ROBO2: variants seen among roughly 807,000 people sequenced by gnomAD.
The protein encoded by ROBO2 is roundabout guidance receptor 2.
In ROBO2, 53 loss-of-function variants were observed where a neutral mutation model predicts 160.8. That is an observed-to-expected ratio of 0.33 (90% CI 0.26 to 0.41). ROBO2 has a LOEUF of 0.41. Ranked by LOEUF, ROBO2 falls within the 10% of genes least tolerant of loss-of-function variation. The probability of loss-of-function intolerance (pLI) is 1.00; values close to 1 mark genes in which losing one functional copy is unlikely to be tolerated. For missense variants in ROBO2, 1,577 were observed against 1,722.4 expected, an observed-to-expected ratio of 0.92 and a Z score of 1.49; for synonymous variants, 664 against 611.7, an observed-to-expected ratio of 1.09 and a Z score of -1.26.
At chr3:76,874,493 T>C (rs1236439166) in intron 2 of ROBO2, among the ~76,000 whole-genome samples, 2 of 152,162 alleles carry the variant, frequency 1.3e-5, no homozygotes, top group Admixed American at 1.3e-4. Context: ...ATTACACATT[T>C]TCAAAATGAA....
intron 2 of ROBO2, among the ~76,000 whole-genome samples, chr3:76,562,556 G>A (rs2084258896): frequency 1.3e-5 from 2 of 151,738 alleles, no homozygotes; most frequent in Admixed American, 1.3e-4. Context: ...TTCCAGCTCT[G>A]TCCCTTTTCA....
chr3:77,254,227 C>T (rs2090686281), intron 2 of ROBO2, among the ~76,000 whole-genome samples: 1 of 152,122 alleles, frequency 6.6e-6, no homozygotes, highest in South Asian at 2.1e-4. Context: ...GTGATTGCCA[C>T]TCCACTAGAG....
chr3:77,345,093 A>G lies in ROBO2; in HGVS notation c.389-132321A>G, dbSNP rs183048460. ...AACACCCTTAAAAAAAACCGTAAAA[A>G]CTCTTATGAGATTTGAGTTAAGATG... is the stretch of plus-strand genomic sequence containing the variant. On this transcript the variant is annotated intron_variant, in intron 2 of 25. Coordinates refer to ENST00000461745, the Ensembl canonical transcript of ROBO2. 1.0e-3 allele frequency among the ~76,000 whole-genome samples: 152 copies of G among 152,070 alleles called. No homozygotes were observed. In the Middle Eastern group the frequency reaches 0.01, roughly 10 times the overall value.
At chr3:77,296,378 A>T (rs1310561782) in intron 2 of ROBO2, among the ~76,000 whole-genome samples, 1 of 151,548 alleles carries the variant, frequency 6.6e-6, no homozygotes, top group Non-Finnish European at 1.5e-5. Context: ...AAACGGGTAC[A>T]CTGAGGCTAG....
At chr3:76,216,273 T>C (rs1703519548) in intron 2 of ROBO2, among the ~76,000 whole-genome samples, 1 of 152,110 alleles carries the variant, frequency 6.6e-6, no homozygotes, top group South Asian at 2.1e-4. Context: ...AATAACCAGC[T>C]AACATCATAA....
chr3:77,212,851 GGT>G (rs1560249585), intron 2 of ROBO2, among the ~76,000 whole-genome samples: 1 of 152,052 alleles, frequency 6.6e-6, no homozygotes, highest in African/African-American at 2.4e-5. Context: ...TTTTGTCTTT[GGT>G]TCTGTTTGTA....
chr3:76,465,462 T>C (rs1418648960), intron 2 of ROBO2, among the ~76,000 whole-genome samples: 2 of 152,020 alleles, frequency 1.3e-5, no homozygotes, highest in Non-Finnish European at 2.9e-5. Context: ...GCCATTGTAT[T>C]TTGCTTTTAT....
At chr3:77,222,766 A>G (rs2085989295) in intron 2 of ROBO2, among the ~76,000 whole-genome samples, 1 of 152,156 alleles carries the variant, frequency 6.6e-6, no homozygotes, top group South Asian at 2.1e-4. Context: ...TGATATGTCC[A>G]TTTGCTTCAT....
intron 2 of ROBO2, among the ~76,000 whole-genome samples, chr3:76,397,522 T>G (rs1326360882): frequency 1.3e-5 from 2 of 151,644 alleles, no homozygotes; most frequent in African/African-American, 2.4e-5. Flanking sequence ...GAAACTACCA[T>G]CAGAGTGAAC....
chr3:77,381,213 G>GC (rs1306124904), intron 2 of ROBO2, among the ~76,000 whole-genome samples: 1 of 152,148 alleles, frequency 6.6e-6, no homozygotes, highest in African/African-American at 2.4e-5. Context: ...TACTCCGGAG[G>GC]CTGAGGCAGG....
intron 2 of ROBO2, among the ~76,000 whole-genome samples, chr3:76,115,178 A>C (rs541903634): frequency 3.3e-5 from 5 of 152,128 alleles, no homozygotes; most frequent in Non-Finnish European, 7.4e-5. Context: ...CAGAACTGAT[A>C]CTAGTGGGGC....
At chr3:77,574,555 A>G in exon 14 of ROBO2, 2 of 1,613,464 alleles carry the variant, frequency 1.2e-6, no homozygotes, top group South Asian at 1.1e-5. Flanking sequence ...GTCAGACTTC[A>G]GGTCTGCAGG....
chr3:76,923,118 C>A (rs962121157), intron 2 of ROBO2, among the ~76,000 whole-genome samples: 5 of 152,180 alleles, frequency 3.3e-5, no homozygotes, highest in Admixed American at 3.3e-4. Context: ...GGCTCCATTC[C>A]TTCTGGTGTC....
chr3:76,627,790 TATTA>T (rs2089756164), intron 2 of ROBO2, among the ~76,000 whole-genome samples: 1 of 152,240 alleles, frequency 6.6e-6, no homozygotes, highest in South Asian at 2.1e-4. Context: ...TGTCTGCCTG[TATTA>T]ATTATTTCTG....
intron 21 of ROBO2, among the ~76,000 whole-genome samples, chr3:77,615,614 C>T (rs2094754921): frequency 1.3e-5 from 2 of 152,124 alleles, no homozygotes; most frequent in Non-Finnish European, 2.9e-5. Flanking sequence ...TTAGACCTTT[C>T]ACTTGGTGAT....
intron 2 of ROBO2, among the ~76,000 whole-genome samples, chr3:77,125,739 T>A (rs2075257702): frequency 6.6e-6 from 1 of 152,192 alleles, no homozygotes; most frequent in South Asian, 2.1e-4. Flanking sequence ...TTACCAGTTA[T>A]TTAGTATATA....
At chr3:77,089,449 G>C (rs1050118927) in intron 1 of ROBO2, among the ~76,000 whole-genome samples, 5 of 152,146 alleles carry the variant, frequency 3.3e-5, no homozygotes, top group Admixed American at 1.3e-4. Context: ...TGTTGAGTTT[G>C]ACAAACCTCT....
intron 6 of ROBO2, among the ~76,000 whole-genome samples, chr3:77,544,756 A>G (rs180759068): frequency 6.6e-6 from 1 of 152,226 alleles, no homozygotes; most frequent in East Asian, 1.9e-4. Context: ...TCTAAAAATT[A>G]GAGTTGATTT....
chr3:76,069,983 C>A (rs576824554), intron 2 of ROBO2, among the ~76,000 whole-genome samples: 1 of 152,240 alleles, frequency 6.6e-6, no homozygotes, highest in Admixed American at 6.5e-5. Context: ...CAATCAATAC[C>A]CTTGTGATTT....
Sources: allele counts gnomAD v4.1 joint callset (sites outside exome capture counted in the v4.1 genomes callset), GRCh38; gene constraint gnomAD v4.1.1; transcripts MANE v1.5; gene names NCBI Gene and HGNC (gene_info 2026-07-23, HGNC 2026-07-21).